PLCB1: variants seen among roughly 807,000 people sequenced by gnomAD.
The protein encoded by PLCB1 is phospholipase C beta 1, also known as 1-phosphatidylinositol 4,5-bisphosphate phosphodiesterase beta-1.
PLCB1 carries 46 observed loss-of-function variants against 161.8 expected under a neutral mutation model. The ratio of observed to expected loss-of-function variants is 0.28; its 90% CI spans 0.22 to 0.36. The LOEUF (loss-of-function observed/expected upper bound fraction) is 0.36. Among genes scored for constraint, PLCB1 ranks in the 10% least tolerant of loss-of-function variants. The pLI, the probability that PLCB1 is intolerant of heterozygous loss-of-function variation, is 1.00. For missense variants in PLCB1, 1,016 were observed against 1,472.5 expected (o/e 0.69, Z 5.07); for synonymous variants, 517 against 503.7 (o/e 1.03, Z -0.35).
chr20:8,300,335 C>T (rs1983843284), intron 2 of PLCB1, among the ~76,000 whole-genome samples: 1 of 152,100 alleles, frequency 6.6e-6, no homozygotes, highest in Admixed American at 6.6e-5. Flanking sequence ...GAGAATTAGA[C>T]TTTGCTTCCT....
intron 2 of PLCB1, among the ~76,000 whole-genome samples, chr20:8,232,918 G>A (rs1257450439): frequency 6.6e-6 from 1 of 152,136 alleles, no homozygotes; most frequent in East Asian, 1.9e-4. Context: ...ATGTGAATCT[G>A]CCACTATGCT....
At chr20:8,737,487 T>G (rs1379342623) in intron 20 of PLCB1, among the ~76,000 whole-genome samples, 7 of 152,176 alleles carry the variant, frequency 4.6e-5, no homozygotes, top group Non-Finnish European at 1.0e-4. Flanking sequence ...ATGATACATT[T>G]TAATTATAAC....
chr20:8,848,482 T>C (rs759029911), intron 31 of PLCB1, among the ~76,000 whole-genome samples: 3 of 144,982 alleles, frequency 2.1e-5, no homozygotes, highest in Non-Finnish European at 3.1e-5. Flanking sequence ...AATTCAGATA[T>C]GATTGAAAGG....
chr20:8,423,510 C>A (rs1386443673), intron 3 of PLCB1, among the ~76,000 whole-genome samples: 2 of 152,064 alleles, frequency 1.3e-5, no homozygotes, highest in African/African-American at 4.8e-5. Flanking sequence ...TTGGAAAACC[C>A]CTGATTACCT....
chr20:8,811,742 C>T (rs1282347056), intron 31 of PLCB1, among the ~76,000 whole-genome samples: 2 of 152,156 alleles, frequency 1.3e-5, no homozygotes, highest in Non-Finnish European at 1.5e-5. Flanking sequence ...TCGTCAGAGC[C>T]GATACAGAAA....
At chr20:8,788,064 A>T (rs941207789) in intron 27 of PLCB1, among the ~76,000 whole-genome samples, 1 of 152,222 alleles carries the variant, frequency 6.6e-6, no homozygotes, top group African/African-American at 2.4e-5. Flanking sequence ...ACAGTGATCA[A>T]CTGAGAAAAT....
intron 2 of PLCB1, among the ~76,000 whole-genome samples, chr20:8,291,391 C>G (rs947142178): frequency 6.6e-6 from 1 of 152,134 alleles, no homozygotes; most frequent in African/African-American, 2.4e-5. Context: ...AGTGGGGCCA[C>G]TGAAACTGGG....
intron 2 of PLCB1, among the ~76,000 whole-genome samples, chr20:8,236,443 G>A (rs891415292): frequency 2.0e-5 from 3 of 152,030 alleles, no homozygotes; most frequent in African/African-American, 7.2e-5. Context: ...TAAGGCGGGA[G>A]GATCGCTTGA....
chr20:8,593,559 C>T (rs1321979465), intron 3 of PLCB1, among the ~76,000 whole-genome samples: 1 of 152,016 alleles, frequency 6.6e-6, no homozygotes. Context: ...TTTTTGAAGT[C>T]CTTAGTATAA....
intron 4 of PLCB1, among the ~76,000 whole-genome samples, chr20:8,635,354 A>G (rs1232682051): frequency 6.6e-6 from 1 of 152,152 alleles, no homozygotes; most frequent in African/African-American, 2.4e-5. Context: ...AATAAGTGAT[A>G]GGTCACGTAC....
At chr20:8,264,214 G>C (rs1260647811) in intron 2 of PLCB1, among the ~76,000 whole-genome samples, 1 of 152,014 alleles carries the variant, frequency 6.6e-6, no homozygotes, top group East Asian at 1.9e-4. Context: ...TACTCAGACA[G>C]AGTCAGCATC....
chr20:8,731,236 G>A (rs761089777), intron 18 of PLCB1, among the ~76,000 whole-genome samples: 32 of 151,862 alleles, frequency 2.1e-4, no homozygotes, highest in Non-Finnish European at 4.3e-4. Flanking sequence ...ACAAACGTTT[G>A]CAGTACGTAT....
At chr20:8,239,407 C>T (rs1980492643) in intron 2 of PLCB1, among the ~76,000 whole-genome samples, 1 of 151,932 alleles carries the variant, frequency 6.6e-6, no homozygotes, top group Admixed American at 6.6e-5. Flanking sequence ...TGTAAAGTCA[C>T]CATCCGGTGT....
chr20:8,159,709 C>T (rs923303005), intron 2 of PLCB1, among the ~76,000 whole-genome samples: 17 of 152,044 alleles, frequency 1.1e-4, no homozygotes, highest in African/African-American at 1.7e-4. Flanking sequence ...TCCACCAGGC[C>T]GGGCGTGGTG....
intron 3 of PLCB1, among the ~76,000 whole-genome samples, chr20:8,554,083 A>G (rs963725666): frequency 2.9e-5 from 3 of 104,200 alleles, no homozygotes; most frequent in African/African-American, 1.3e-4. Context: ...AAAATTAAGG[A>G]AAAAAAAAAA....
intron 31 of PLCB1, among the ~76,000 whole-genome samples, chr20:8,829,732 G>A (rs1451422246): frequency 6.6e-6 from 1 of 152,046 alleles, no homozygotes; most frequent in Non-Finnish European, 1.5e-5. Flanking sequence ...GAGTAGAGAG[G>A]GTAGAACAAA....
intron 3 of PLCB1, among the ~76,000 whole-genome samples, chr20:8,497,409 CATAAG>C (rs1983225400): frequency 6.6e-6 from 1 of 152,044 alleles, no homozygotes; most frequent in African/African-American, 2.4e-5. Context: ...GAAAGTAACT[CATAAG>C]ATGATATTTT....
intron 3 of PLCB1, among the ~76,000 whole-genome samples, chr20:8,578,614 G>A (rs1003089089): frequency 5.9e-5 from 9 of 152,200 alleles, no homozygotes; most frequent in East Asian, 1.9e-4. Context: ...GAGTACAGAC[G>A]ATAGATGGAA....
chr20:8,167,059 C>T (rs978136094), intron 2 of PLCB1, among the ~76,000 whole-genome samples: 12 of 152,242 alleles, frequency 7.9e-5, no homozygotes, highest in East Asian at 5.8e-4. Context: ...TTGTAGCATT[C>T]GCCAATTTCC....
Sources: gnomAD v4.1 joint callset for allele counts (sites outside exome capture counted in the v4.1 genomes callset) on GRCh38, gnomAD v4.1.1 for gene constraint, MANE v1.5 for transcripts, NCBI Gene and HGNC (gene_info 2026-07-23, HGNC 2026-07-21) for gene names.